PRELID2: variants seen among roughly 807,000 people sequenced by gnomAD.
The protein encoded by PRELID2 is PRELI domain containing 2.
PRELID2 carries 25 observed loss-of-function variants against 28.4 expected under a neutral mutation model. The ratio of observed to expected loss-of-function variants is 0.88; its 90% confidence interval spans 0.64 to 1.23. The LOEUF (loss-of-function observed/expected upper bound fraction) is 1.23, where lower values mean the gene tolerates loss of function less well. Among genes scored for constraint, PRELID2 ranks in the 50% most tolerant of loss-of-function variants. The pLI is 0.00. For missense variants in PRELID2, 201 were observed against 214.4 expected, an observed-to-expected ratio of 0.94 and a Z score of 0.39; for synonymous variants, 76 against 71.6, an observed-to-expected ratio of 1.06 and a Z score of -0.31.
intron 6 of PRELID2, among the ~76,000 whole-genome samples, chr5:145,761,363 C>G (rs73794422): frequency 6.6e-5 from 10 of 152,296 alleles, no homozygotes; most frequent in African/African-American, 2.4e-4. Context: ...ATTTTAGTGA[C>G]CACTGTTGCT....
chr5:145,312,732 T>G, the PRELID2 span, among the ~76,000 whole-genome samples: 2 of 152,196 alleles, frequency 1.3e-5, no homozygotes, highest in Non-Finnish European at 2.9e-5. Flanking sequence ...TGTGTATATA[T>G]ACCACATTTT....
At chr5:145,286,695 AGTTTTT>A in the PRELID2 span, among the ~76,000 whole-genome samples, 55 of 131,760 alleles carry the variant, frequency 4.2e-4, no homozygotes, top group African/African-American at 1.7e-3. Context: ...CCAACATAGA[AGTTTTT>A]GTTTTTTTTT....
chr5:145,822,793 A>C (rs1754920159), intron 2 of PRELID2, among the ~76,000 whole-genome samples: 1 of 152,212 alleles, frequency 6.6e-6, no homozygotes, highest in African/African-American at 2.4e-5. Flanking sequence ...GTTAGCAGTT[A>C]CAATTATATA....
intron 1 of PRELID2, among the ~76,000 whole-genome samples, chr5:145,488,476 T>C (rs886525217): frequency 5.3e-5 from 8 of 152,142 alleles, no homozygotes; most frequent in Admixed American, 5.2e-4. Flanking sequence ...TAGAGTTGGG[T>C]TTCTGTCACT....
At chr5:145,639,248 G>A (rs1754054435) in intron 1 of PRELID2, among the ~76,000 whole-genome samples, 1 of 152,056 alleles carries the variant, frequency 6.6e-6, no homozygotes, top group Admixed American at 6.5e-5. Context: ...AGCAATCTCA[G>A]AAGCATAAAT....
chr5:145,741,973 TATTTAATTATAATAA>T (rs1473104429), intron 1 of PRELID2, among the ~76,000 whole-genome samples: 3 of 34,384 alleles, frequency 8.7e-5, no homozygotes, highest in Non-Finnish European at 2.0e-4. Context: ...TAAATAAATT[TATTTAATTATAATAA>T]ATTTATTATA....
rs10555229 is a variant in PRELID2 at position 145,800,301 on chromosome 5, T to TACACACACACACAC, written c.369-3768_369-3755dup. The stretch of plus-strand genomic sequence containing the variant: ...CCCCTTCCCTTTCCTCCCCTTCTCT[T>TACACACACACACAC]ACACACACACACACACACACACACA... On this transcript the variant is annotated intron_variant, in intron 4 of 6. Coordinates refer to ENST00000683046, the MANE Select transcript of PRELID2 (RefSeq NM_205846.3). 1.5e-4 allele frequency among the ~76,000 whole-genome samples: 21 copies of TACACACACACACAC among 138,564 alleles called. No individual in the cohort carries two copies. In the East Asian group the frequency reaches 4.5e-3, roughly 30 times the overall value. The allele number at this position is 138,564 out of a possible 152,430, so 90.9% of individuals were successfully genotyped here. A position where few individuals can be genotyped will look rare whatever the true frequency, so the allele number is the denominator to read the frequency against.
chr5:145,800,371 G>A (rs908763559), intron 4 of PRELID2, among the ~76,000 whole-genome samples: 9 of 149,604 alleles, frequency 6.0e-5, no homozygotes, highest in South Asian at 2.1e-4. Flanking sequence ...AATACCTTCC[G>A]TCTAAGCAGT....
At chr5:145,423,309 T>C in the PRELID2 span, among the ~76,000 whole-genome samples, 1 of 150,598 alleles carries the variant, frequency 6.6e-6, no homozygotes, top group Non-Finnish European at 1.5e-5. Context: ...GAAGTTCTCC[T>C]GGATAATATC....
Position 145,665,340 on chromosome 5 carries a change from A to G in PRELID2, n.70+99591T>C, listed in dbSNP as rs79231299. Among the ~76,000 whole-genome samples the G allele has an allele frequency of 8.2e-3, 1,242 of 152,180 alleles. 21 individuals are homozygous for G. Among genetic ancestry groups the G allele is most frequent in the African/African-American group, 0.029 (1,187 of 41,534 alleles). On this transcript the variant is annotated intron_variant and non_coding_transcript_variant, in intron 1 of 2. Transcript: ENST00000510259. ...AATCGCTGTCTGGAACACTGTGCTG[A>G]GAATGCTAAATTGGAAAGGGGGGTG... is the stretch of plus-strand genomic sequence containing the variant.
intron 1 of PRELID2, among the ~76,000 whole-genome samples, chr5:145,569,808 C>T (rs1753001689): frequency 1.3e-5 from 2 of 152,158 alleles, no homozygotes; most frequent in African/African-American, 4.8e-5. Flanking sequence ...GTGATGGTAC[C>T]TCCCAATGTT....
chr5:145,556,110 G>A (rs1044607035), intron 1 of PRELID2, among the ~76,000 whole-genome samples: 6 of 150,384 alleles, frequency 4.0e-5, no homozygotes, highest in South Asian at 2.1e-4. Flanking sequence ...CTCGGGAGGC[G>A]GAAGTTGCAG....
chr5:145,234,432 C>A, the PRELID2 span, among the ~76,000 whole-genome samples: 1 of 151,952 alleles, frequency 6.6e-6, no homozygotes, highest in Non-Finnish European at 1.5e-5. Context: ...TACTTAATAC[C>A]AGGTATGTCA....
At chr5:145,740,384 A>C in intron 1 of PRELID2, among the ~76,000 whole-genome samples, 3 of 134,760 alleles carry the variant, frequency 2.2e-5, no homozygotes, top group East Asian at 4.3e-4. Context: ...AATTTATAGA[A>C]CTGAAAGGAG....
chr5:145,533,033 C>A (rs1752667703), intron 1 of PRELID2, among the ~76,000 whole-genome samples: 1 of 152,040 alleles, frequency 6.6e-6, no homozygotes, highest in African/African-American at 2.4e-5. Context: ...TTTGAGAGAC[C>A]TCCATGCTGG....
the PRELID2 span, among the ~76,000 whole-genome samples, chr5:145,240,182 A>G: frequency 4.0e-5 from 6 of 151,660 alleles, no homozygotes; most frequent in Non-Finnish European, 8.8e-5. Context: ...TCTCACTGGC[A>G]CTCTCTACAT....
the PRELID2 span, among the ~76,000 whole-genome samples, chr5:145,410,652 C>T: frequency 6.6e-6 from 1 of 152,034 alleles, no homozygotes; most frequent in South Asian, 2.1e-4. Context: ...ATAAGAACAG[C>T]ATGGGGGAAA....
At chr5:145,486,163 A>T (rs918810176) in intron 1 of PRELID2, among the ~76,000 whole-genome samples, 1 of 152,200 alleles carries the variant, frequency 6.6e-6, no homozygotes, top group African/African-American at 2.4e-5. Context: ...GCCAAGTCAA[A>T]AGCCAGATTA....
the PRELID2 span, among the ~76,000 whole-genome samples, chr5:145,269,001 G>C: frequency 6.6e-6 from 1 of 152,000 alleles, no homozygotes; most frequent in Non-Finnish European, 1.5e-5. Flanking sequence ...TCCATGCTAA[G>C]AACTAAAACA....
Sources: allele counts gnomAD v4.1 joint callset (sites outside exome capture counted in the v4.1 genomes callset), GRCh38; gene constraint gnomAD v4.1.1; transcripts MANE v1.5; gene names NCBI Gene and HGNC (gene_info 2026-07-23, HGNC 2026-07-21).